NARS2: variants seen among roughly 807,000 people sequenced by gnomAD.
NARS2 encodes asparaginyl-tRNA synthetase 2, mitochondrial, also known as asparaginyl-tRNA synthetase.
A neutral mutation model predicts 62.9 loss-of-function variants in NARS2; 60 were observed. The ratio of observed to expected loss-of-function variants is 0.95; its 90% confidence interval spans 0.77 to 1.18. The LOEUF (loss-of-function observed/expected upper bound fraction) is 1.18, where lower values mean the gene tolerates loss of function less well. Among genes scored for constraint, NARS2 ranks in the 50% most tolerant of loss-of-function variants. The pLI, the probability that NARS2 is intolerant of heterozygous loss-of-function variation, is 0.00. For synonymous variants in NARS2, 196 were observed against 200.0 expected (o/e 0.98, Z 0.17); for missense variants, 619 against 576.4 (o/e 1.07, Z -0.76).
chr11:78,538,820 C>A (rs1474388435), intron 5 of NARS2, among the ~76,000 whole-genome samples: 39 of 150,778 alleles, frequency 2.6e-4, no homozygotes, highest in Admixed American at 2.6e-3. Context: ...ACGGTGAAAC[C>A]CCGTCTCTAC....
At chr11:78,528,134 G>A (rs1439893133) in intron 6 of NARS2, among the ~76,000 whole-genome samples, 3 of 152,180 alleles carry the variant, frequency 2.0e-5, no homozygotes, top group Middle Eastern at 6.8e-3. Context: ...TACTCAGAAG[G>A]CTGAGGCAGG....
intron 11 of NARS2, among the ~76,000 whole-genome samples, chr11:78,449,018 CT>C (rs1296688292): frequency 1.3e-5 from 2 of 152,038 alleles, no homozygotes; most frequent in Admixed American, 6.6e-5. Context: ...AGAGAGTTCA[CT>C]GTGCAACCAC....
intron 5 of NARS2, among the ~76,000 whole-genome samples, chr11:78,544,522 A>C (rs1246742847): frequency 6.6e-6 from 1 of 152,214 alleles, no homozygotes; most frequent in East Asian, 1.9e-4. Context: ...GGCTGAGCGC[A>C]GTAGCTCATG....
intron 7 of NARS2, among the ~76,000 whole-genome samples, chr11:78,483,236 A>C (rs1859433263): frequency 6.6e-6 from 1 of 152,164 alleles, no homozygotes; most frequent in Non-Finnish European, 1.5e-5. Context: ...GATGAAACAT[A>C]TCTCAAAATA....
chr11:78,465,217 ACACCCAC>A (rs1269766776), intron 11 of NARS2, among the ~76,000 whole-genome samples: 1 of 152,184 alleles, frequency 6.6e-6, no homozygotes, highest in African/African-American at 2.4e-5. Context: ...CGCCGAGCCC[ACACCCAC>A]CTGGAACTCG....
At chr11:78,554,584 G>C (rs1479954743) in intron 5 of NARS2, among the ~76,000 whole-genome samples, 2 of 151,008 alleles carry the variant, frequency 1.3e-5, no homozygotes, top group African/African-American at 4.9e-5. Context: ...GTTGTTGTTG[G>C]TGTATAGGAA....
At chr11:78,471,663 T>C (rs1453683843) in intron 9 of NARS2, among the ~76,000 whole-genome samples, 2 of 150,372 alleles carry the variant, frequency 1.3e-5, no homozygotes, top group Admixed American at 1.3e-4. Flanking sequence ...TACGTACATC[T>C]CCCAATGCTA....
rs1418417084 is a variant in NARS2, at chr11:78,566,255, A to G, written c.390T>C (p.Tyr130=). 5.0e-6 allele frequency: 8 copies of G among 1,592,358 alleles called. No homozygotes were observed. The South Asian group carries it at 5.7e-5, about 11-fold the overall frequency. Residue 130 remains tyrosine, a synonymous_variant, in exon 4 of 14, where the codon TAT becomes TAC. Transcript: ENST00000281038. ...NCDAKDFPIK[Y]KERHPLEYLR... Reference sequence around the variant, plus strand: ...GATACTCCAGAGGATGCCTCTCTTTATATTTGATGGGGAAATCCTGCCAAT... The same window carrying G: ...GATACTCCAGAGGATGCCTCTCTTTGTATTTGATGGGGAAATCCTGCCAAT...
intron 11 of NARS2, among the ~76,000 whole-genome samples, chr11:78,447,257 C>T (rs932050432): frequency 6.6e-6 from 1 of 151,764 alleles, no homozygotes; most frequent in South Asian, 2.1e-4. Context: ...TGGGTTCAAG[C>T]GATCTCCTGC....
At chr11:78,521,370 A>C (rs949576622) in intron 6 of NARS2, among the ~76,000 whole-genome samples, 11 of 151,952 alleles carry the variant, frequency 7.2e-5, no homozygotes, top group Non-Finnish European at 7.4e-5. Context: ...ACTAGGTCCC[A>C]CTATGTTGCC....
At chr11:78,441,208 CT>C in intron 12 of NARS2, 91 bp from the exon 13 acceptor site, 1 of 1,189,118 alleles carries the variant, frequency 8.4e-7, no homozygotes, top group Non-Finnish European at 1.2e-6. Context: ...GCAAAGAACT[CT>C]TTATGAAGAA....
chr11:78,485,107 C>T (rs1469190152), intron 7 of NARS2, among the ~76,000 whole-genome samples: 2 of 152,146 alleles, frequency 1.3e-5, no homozygotes, highest in Non-Finnish European at 2.9e-5. Context: ...AAGCTGGAAG[C>T]CATCATTCTA....
intron 11 of NARS2, among the ~76,000 whole-genome samples, chr11:78,458,962 C>T (rs977378695): frequency 2.0e-5 from 3 of 151,366 alleles, no homozygotes; most frequent in African/African-American, 7.3e-5. Flanking sequence ...TCTGTTGCCC[C>T]GGCTGGACTG....
chr11:78,544,905 G>T (rs371342883), intron 5 of NARS2, among the ~76,000 whole-genome samples: 1 of 151,996 alleles, frequency 6.6e-6, no homozygotes. Context: ...GCTTGAACAC[G>T]GGAGGCAGAG....
intron 4 of NARS2, among the ~76,000 whole-genome samples, chr11:78,565,864 A>G (rs1024288611): frequency 9.9e-5 from 15 of 152,230 alleles, no homozygotes; most frequent in African/African-American, 3.4e-4. Context: ...GACCTGCTTA[A>G]CAAATCACAT....
intron 7 of NARS2, among the ~76,000 whole-genome samples, chr11:78,489,418 C>T (rs924832317): frequency 1.3e-5 from 2 of 152,116 alleles, no homozygotes; most frequent in African/African-American, 4.8e-5. Context: ...TGGCTTAAAA[C>T]CACCACATAT....
chr11:78,507,098 T>C (rs1291062361), intron 6 of NARS2, among the ~76,000 whole-genome samples: 1 of 151,826 alleles, frequency 6.6e-6, no homozygotes, highest in Non-Finnish European at 1.5e-5. Context: ...CTGATTGTGG[T>C]TTCTAATCAC....
At chr11:78,542,758 G>T (rs1196565506) in intron 5 of NARS2, among the ~76,000 whole-genome samples, 4 of 152,178 alleles carry the variant, frequency 2.6e-5, no homozygotes, top group Admixed American at 2.0e-4. Context: ...AATTAGCTGG[G>T]TGTGGTGGTG....
chr11:78,567,948 T>A (rs915130794), intron 3 of NARS2, among the ~76,000 whole-genome samples: 2 of 152,216 alleles, frequency 1.3e-5, no homozygotes, highest in Admixed American at 6.5e-5. Context: ...CACTGTAAAT[T>A]TAAAGAATTT....
Sources: allele counts gnomAD v4.1 joint callset (sites outside exome capture counted in the v4.1 genomes callset), GRCh38; gene constraint gnomAD v4.1.1; transcripts MANE v1.5; gene names NCBI Gene and HGNC (gene_info 2026-07-23, HGNC 2026-07-21).